Variants in MEGF11 observed in about 807,000 individuals in gnomAD.
MEGF11 encodes the protein multiple epidermal growth factor-like domains protein 11.
Under a neutral mutation model 146.6 loss-of-function variants are expected in MEGF11, and 126 were observed. That is an observed-to-expected ratio of 0.86 (90% CI 0.74 to 1.00). The LOEUF is 1.00. MEGF11 is among the 50% of genes least tolerant of loss of function. MEGF11 has a pLI of 0.00. For missense variants in MEGF11, 1,509 were observed against 1,521.2 expected, an observed-to-expected ratio of 0.99 and a Z score of 0.13; for synonymous variants, 532 against 583.4, an observed-to-expected ratio of 0.91 and a Z score of 1.27.
chr15:66,169,922 G>A (rs112021088), intron 1 of MEGF11, among the ~76,000 whole-genome samples: 1 of 152,064 alleles, frequency 6.6e-6, no homozygotes, highest in African/African-American at 2.4e-5. Flanking sequence ...CCCAGGAACT[G>A]GGCCCCATGA....
At chr15:65,955,903 A>G (rs558353714) in intron 10 of MEGF11, among the ~76,000 whole-genome samples, 44 of 144,714 alleles carry the variant, frequency 3.0e-4, no homozygotes, top group African/African-American at 1.1e-3. Flanking sequence ...TGGAAATCCA[A>G]TGTGTATTTT....
intron 5 of MEGF11, among the ~76,000 whole-genome samples, chr15:66,004,906 GAAT>G (rs2082475539): frequency 6.6e-6 from 1 of 152,156 alleles, no homozygotes; most frequent in African/African-American, 2.4e-5. Context: ...TTGGAAACTA[GAAT>G]AATAATCTTG....
chr15:65,946,722 C>T (rs1026474075), intron 10 of MEGF11, among the ~76,000 whole-genome samples: 3 of 152,216 alleles, frequency 2.0e-5, no homozygotes, highest in Non-Finnish European at 4.4e-5. Flanking sequence ...TGTGACATCA[C>T]CATCTCCCGA....
At chr15:66,197,275 T>G (rs184645759) in intron 1 of MEGF11, among the ~76,000 whole-genome samples, 1 of 152,144 alleles carries the variant, frequency 6.6e-6, no homozygotes, top group African/African-American at 2.4e-5. Context: ...GGGCAAGATC[T>G]CTGATTCATC....
chr15:65,941,703 G>T (rs1322247850), intron 10 of MEGF11, among the ~76,000 whole-genome samples: 1 of 152,210 alleles, frequency 6.6e-6, no homozygotes, highest in Non-Finnish European at 1.5e-5. Context: ...TGGCTAATAT[G>T]GACTTATTGA....
chr15:65,953,319 G>C (rs2080469670), intron 10 of MEGF11, among the ~76,000 whole-genome samples: 1 of 152,204 alleles, frequency 6.6e-6, no homozygotes, highest in Admixed American at 6.5e-5. Context: ...CCAGTAGTCA[G>C]TGTGGGGATT....
chr15:65,939,946 C>T (rs1340202005), intron 10 of MEGF11, among the ~76,000 whole-genome samples: 3 of 152,170 alleles, frequency 2.0e-5, no homozygotes, highest in Non-Finnish European at 4.4e-5. Context: ...AGGATTGAGT[C>T]ATTTGTGTTC....
intron 1 of MEGF11, among the ~76,000 whole-genome samples, chr15:66,131,888 C>T (rs567424181): frequency 2.0e-5 from 3 of 152,164 alleles, no homozygotes; most frequent in South Asian, 2.1e-4. Context: ...CTGATGATAG[C>T]GGCTTAGGAA....
chr15:66,146,132 C>G (rs535907668), intron 1 of MEGF11, among the ~76,000 whole-genome samples: 1 of 152,170 alleles, frequency 6.6e-6, no homozygotes, highest in Non-Finnish European at 1.5e-5. Context: ...TCCTTCACTG[C>G]CCGTTCTACA....
intron 7 of MEGF11, among the ~76,000 whole-genome samples, chr15:65,974,383 T>A (rs1312471537): frequency 1.3e-5 from 2 of 152,032 alleles, no homozygotes; most frequent in East Asian, 1.9e-4. Context: ...TCAGGCCAGG[T>A]GCGGTGGCTC....
chr15:65,916,811 C>G lies in MEGF11; in HGVS notation c.2215+17G>C. ...ATGGTATTCTAAGTGGCTGGGAGGC[C>G]AGGAGGTGGGGCTTACGCTGTGTGC... On this transcript the variant is annotated intron_variant, in intron 17 of 25. Coordinates refer to ENST00000395614, the MANE Select transcript of MEGF11 (RefSeq NM_001385028.1). 1 of 1,610,918 alleles carries G rather than the reference C, an allele frequency of 6.2e-7. No homozygotes were observed. Among genetic ancestry groups the G allele is most frequent in the African/African-American group, 1.3e-5 (1 of 75,020 alleles).
intron 5 of MEGF11, among the ~76,000 whole-genome samples, chr15:65,997,688 T>C (rs1484363916): frequency 2.6e-5 from 4 of 152,238 alleles, no homozygotes; most frequent in East Asian, 1.9e-4. Context: ...TTCACTGTTA[T>C]ATCCCCAGCG....
In MEGF11 at chr15:66,128,348, G is replaced by T; in HGVS notation, c.56C>A (p.Ala19Asp). 4.6e-6 allele frequency: 7 copies of T among 1,526,042 alleles called. No individual in the cohort carries two copies. The highest frequency in any genetic ancestry group is 6.2e-6 in the Non-Finnish European group (7 of 1,135,084). 94.5% of individuals were successfully genotyped at this position (1,526,042 alleles called of 1,614,324 possible). A position where few individuals can be genotyped will look rare whatever the true frequency, so the allele number is the denominator to read the frequency against. The change falls in exon 2 of 26, where the codon GCC (alanine) becomes GAC (aspartate). Residue 19 changes from alanine to aspartate, a missense_variant. By Grantham distance (126) the Ala-to-Asp change is moderately radical (BLOSUM62 -2). Transcript: ENST00000395614. ...CACGTTGGGGTCCTCGGGGTTCAGGGCAAGGGTGGCTTGCAGGAAGGAGAA... is the reference window on the plus strand; with the variant it reads ...CACGTTGGGGTCCTCGGGGTTCAGGTCAAGGGTGGCTTGCAGGAAGGAGAA... The part of the protein sequence containing the change: ...IAFSFLQATL[A>D]LNPEDPNVCS...
intron 1 of MEGF11, among the ~76,000 whole-genome samples, chr15:66,173,744 G>A (rs1453912233): frequency 2.6e-5 from 4 of 152,118 alleles, no homozygotes; most frequent in Non-Finnish European, 2.9e-5. Flanking sequence ...GGACAACTCC[G>A]AGCCCTGCGA....
At chr15:66,145,256 A>G (rs2089322503) in intron 1 of MEGF11, among the ~76,000 whole-genome samples, 1 of 152,016 alleles carries the variant, frequency 6.6e-6, no homozygotes, top group South Asian at 2.1e-4. Flanking sequence ...AATGAAATTC[A>G]CCTTAATAAG....
chr15:66,085,010 C>T (rs1361914252), intron 5 of MEGF11, among the ~76,000 whole-genome samples: 1 of 152,154 alleles, frequency 6.6e-6, no homozygotes, highest in African/African-American at 2.4e-5. Flanking sequence ...TGAGGCTGGC[C>T]CTTTGATTTG....
At chr15:66,251,914 C>T (rs902729333) in intron 1 of MEGF11, among the ~76,000 whole-genome samples, 4 of 152,226 alleles carry the variant, frequency 2.6e-5, no homozygotes, top group African/African-American at 9.6e-5. Context: ...CAGGAAAATC[C>T]GCCGGAGGAG....
chr15:66,076,347 TAAA>T (rs11348293), intron 5 of MEGF11, among the ~76,000 whole-genome samples: 1 of 145,524 alleles, frequency 6.9e-6, no homozygotes, highest in Admixed American at 6.8e-5. Context: ...AAGATCTTTG[TAAA>T]AAAAAAAAAA....
intron 5 of MEGF11, among the ~76,000 whole-genome samples, chr15:66,037,081 C>A (rs2140271507): frequency 6.6e-6 from 1 of 152,304 alleles, no homozygotes; most frequent in East Asian, 1.9e-4. Context: ...GGCCTGTTAC[C>A]CTGCATGCAG....
Sources: allele counts gnomAD v4.1 joint callset (sites outside exome capture counted in the v4.1 genomes callset), GRCh38; gene constraint gnomAD v4.1.1; transcripts MANE v1.5; gene names NCBI Gene and HGNC (gene_info 2026-07-23, HGNC 2026-07-21).